The following HS6ST3 variants were observed in gnomAD, a reference collection of about 807,000 sequenced individuals.
The protein encoded by HS6ST3 is heparan-sulfate 6-O-sulfotransferase 3.
HS6ST3 carries 12 observed loss-of-function variants against 36.7 expected under a neutral mutation model. The observed-to-expected ratio is 0.33, with a 90% CI of 0.21 to 0.53. HS6ST3 has a LOEUF of 0.53. HS6ST3 is among the 20% of genes least tolerant of loss of function. The probability of loss-of-function intolerance (pLI) is 0.95; values close to 1 mark genes in which losing one functional copy is unlikely to be tolerated. For synonymous variants in HS6ST3, 240 were observed against 257.5 expected (o/e 0.93, Z 0.65); for missense variants, 584 against 640.9 (o/e 0.91, Z 0.96).
chr13:96,128,528 G>C (rs1401475463), intron 1 of HS6ST3, among the ~76,000 whole-genome samples: 1 of 152,158 alleles, frequency 6.6e-6, no homozygotes, highest in Non-Finnish European at 1.5e-5. Flanking sequence ...GCATGGTTTT[G>C]CCCTACTTTG....
intron 1 of HS6ST3, among the ~76,000 whole-genome samples, chr13:96,430,505 T>C (rs969568417): frequency 3.3e-5 from 5 of 152,162 alleles, no homozygotes; most frequent in African/African-American, 9.7e-5. Flanking sequence ...TCTCCTGGGG[T>C]GAGGCCCTCA....
intron 1 of HS6ST3, among the ~76,000 whole-genome samples, chr13:96,831,960 A>AAAAAAAAAAAAAAAAAC (rs1878798413): frequency 7.1e-6 from 1 of 141,780 alleles, no homozygotes; most frequent in Non-Finnish European, 1.5e-5. Flanking sequence ...CTCTCAAAAA[A>AAAAAAAAAAAAAAAAAC]AAAAAAAAAA....
At chr13:96,229,703 A>G (rs1274664902) in intron 1 of HS6ST3, among the ~76,000 whole-genome samples, 1 of 152,214 alleles carries the variant, frequency 6.6e-6, no homozygotes, top group East Asian at 1.9e-4. Flanking sequence ...TCAGTCCATA[A>G]CAAATGGGTA....
At chr13:96,608,498 T>C (rs2056446509) in intron 1 of HS6ST3, among the ~76,000 whole-genome samples, 1 of 152,138 alleles carries the variant, frequency 6.6e-6, no homozygotes, top group Admixed American at 6.5e-5. Flanking sequence ...CAGCTGCAAA[T>C]TGCAGAAGGC....
rs118075018 is a variant in HS6ST3, at chr13:96,269,956, A to G, written c.707+178387A>G. ...ACCTTGTTGGTCTCTAGCTCTCTGT[A>G]TACAATCCCTTCCTTCCAACAAGAC... On this transcript the variant is annotated intron_variant, in intron 1 of 1. Transcript: ENST00000376705. Among the ~76,000 whole-genome samples, 1,442 of 152,048 alleles carry G rather than the reference A, an allele frequency of 9.5e-3. 15 individuals carry two copies. The highest frequency in any genetic ancestry group is 0.051 in the Middle Eastern group (15 of 294).
At chr13:96,538,046 A>C (rs6491299) in intron 1 of HS6ST3, among the ~76,000 whole-genome samples, 14,406 of 152,238 alleles carry the variant, frequency 0.095, 1,342 homozygotes, top group African/African-American at 0.24. Context: ...CTTCACCTAT[A>C]ATGGATGCAA....
At chr13:96,781,364 T>C (rs193130837) in intron 1 of HS6ST3, among the ~76,000 whole-genome samples, 1,751 of 152,272 alleles carry the variant, frequency 0.011, 38 homozygotes, top group African/African-American at 0.039. Flanking sequence ...CCTCGCCCCC[T>C]TTGGCCAGAT....
chr13:96,383,115 A>T (rs77052163), intron 1 of HS6ST3, among the ~76,000 whole-genome samples: 19 of 152,336 alleles, frequency 1.2e-4, no homozygotes, highest in African/African-American at 4.6e-4. Context: ...AAAATTCGTC[A>T]GTTATATAGA....
chr13:96,153,866 A>G lies in HS6ST3; in HGVS notation c.707+62297A>G, dbSNP rs141303675. Among the ~76,000 whole-genome samples the G allele has an allele frequency of 2.7e-3, 404 of 152,330 alleles. 2 individuals carry two copies. The highest frequency in any genetic ancestry group is 9.3e-3 in the African/African-American group (388 of 41,582). ...AATGTCCTTTTCTAAATTTCTTGGAATCAGTATTAGTATACAGTGCATTAA... is the reference window on the plus strand; with the variant it reads ...AATGTCCTTTTCTAAATTTCTTGGAGTCAGTATTAGTATACAGTGCATTAA... On this transcript the variant is annotated intron_variant, in intron 1 of 1. Coordinates refer to ENST00000376705, the MANE Select transcript of HS6ST3 (RefSeq NM_153456.4).
chr13:96,209,500 A>G (rs1174989013), intron 1 of HS6ST3, among the ~76,000 whole-genome samples: 1 of 152,200 alleles, frequency 6.6e-6, no homozygotes, highest in Admixed American at 6.5e-5. Flanking sequence ...AGGAGTCATG[A>G]GAATAGGTGG....
At chr13:96,721,445 T>C (rs1387592103) in intron 1 of HS6ST3, among the ~76,000 whole-genome samples, 1 of 152,178 alleles carries the variant, frequency 6.6e-6, no homozygotes, top group Admixed American at 6.5e-5. Flanking sequence ...TACTGAGAAG[T>C]TTATATTCAA....
chr13:96,189,375 G>A (rs993681920), intron 1 of HS6ST3, among the ~76,000 whole-genome samples: 2 of 151,846 alleles, frequency 1.3e-5, no homozygotes, highest in African/African-American at 4.8e-5. Flanking sequence ...AAGTTCCTGT[G>A]TTATCCAACC....
At chr13:96,203,782 A>G (rs1446023145) in intron 1 of HS6ST3, among the ~76,000 whole-genome samples, 1 of 152,210 alleles carries the variant, frequency 6.6e-6, no homozygotes, top group Non-Finnish European at 1.5e-5. Context: ...GTGGGTTCAA[A>G]TTTAAAGTAT....
At chr13:96,776,482 A>C (rs538057761) in intron 1 of HS6ST3, among the ~76,000 whole-genome samples, 10 of 152,308 alleles carry the variant, frequency 6.6e-5, no homozygotes, top group Non-Finnish European at 1.2e-4. Flanking sequence ...CGAGTCAAAT[A>C]GACACAATAA....
At chr13:96,219,366 C>G (rs988664534) in intron 1 of HS6ST3, among the ~76,000 whole-genome samples, 8 of 152,138 alleles carry the variant, frequency 5.3e-5, no homozygotes, top group African/African-American at 1.9e-4. Context: ...TATTTGCTTT[C>G]ACCTTCTGCC....
chr13:96,504,295 T>C (rs2056017189), intron 1 of HS6ST3, among the ~76,000 whole-genome samples: 1 of 152,130 alleles, frequency 6.6e-6, no homozygotes, highest in Admixed American at 6.6e-5. Context: ...ACAGTACAAC[T>C]CTCACATCCA....
At chr13:96,567,194 C>T (rs563934370) in intron 1 of HS6ST3, among the ~76,000 whole-genome samples, 82 of 151,802 alleles carry the variant, frequency 5.4e-4, no homozygotes, top group Admixed American at 9.9e-4. Flanking sequence ...ACAGTTCTTC[C>T]GCCTCCCCAC....
chr13:96,722,126 C>T (rs370964843), intron 1 of HS6ST3, among the ~76,000 whole-genome samples: 6 of 152,050 alleles, frequency 3.9e-5, no homozygotes, highest in African/African-American at 1.4e-4. Flanking sequence ...ACTAGCCAGG[C>T]GTGCTGGTGG....
At chr13:96,244,985 G>A (rs1372709612) in intron 1 of HS6ST3, among the ~76,000 whole-genome samples, 1 of 152,176 alleles carries the variant, frequency 6.6e-6, no homozygotes, top group Non-Finnish European at 1.5e-5. Context: ...AGAAGGCACA[G>A]CATGTACAAA....
Sources: allele counts gnomAD v4.1 joint callset (sites outside exome capture counted in the v4.1 genomes callset), GRCh38; gene constraint gnomAD v4.1.1; transcripts MANE v1.5; gene names NCBI Gene and HGNC (gene_info 2026-07-23, HGNC 2026-07-21).